Variants in AUTS2 observed in about 807,000 individuals in gnomAD.
AUTS2 encodes activator of transcription and developmental regulator AUTS2, also known as autism susceptibility gene 2 protein.
In AUTS2, 17 loss-of-function variants were observed where a neutral mutation model predicts 112.4. That is an observed-to-expected ratio of 0.15 (90% CI 0.10 to 0.23). AUTS2 has a LOEUF of 0.23. Ranked by LOEUF, AUTS2 falls within the 10% of genes least tolerant of loss-of-function variation. AUTS2 has a pLI of 1.00. For missense variants in AUTS2, 1,510 were observed against 1,701.6 expected, an observed-to-expected ratio of 0.89 and a Z score of 1.98; for synonymous variants, 751 against 702.7, an observed-to-expected ratio of 1.07 and a Z score of -1.09.
intron 2 of AUTS2, among the ~76,000 whole-genome samples, chr7:70,108,582 T>G (rs1402802702): frequency 1.3e-5 from 2 of 151,874 alleles, no homozygotes; most frequent in Non-Finnish European, 2.9e-5. Context: ...AAAATAAAAC[T>G]CAGACTCAAG....
At chr7:70,563,301 A>C (rs1176269553) in intron 5 of AUTS2, among the ~76,000 whole-genome samples, 1 of 152,206 alleles carries the variant, frequency 6.6e-6, no homozygotes, top group Non-Finnish European at 1.5e-5. Context: ...TTACCACTTA[A>C]TGTTAACATG....
chr7:69,775,830 G>A (rs1788869184), intron 1 of AUTS2, among the ~76,000 whole-genome samples: 1 of 152,170 alleles, frequency 6.6e-6, no homozygotes, highest in Admixed American at 6.5e-5. Context: ...TTTTGAGTGG[G>A]TGTCAGAATG....
At chr7:70,157,869 G>A (rs1807865796) in intron 4 of AUTS2, among the ~76,000 whole-genome samples, 1 of 152,202 alleles carries the variant, frequency 6.6e-6, no homozygotes, top group South Asian at 2.1e-4. Context: ...ACCTTAATAA[G>A]TTCATGGCCT....
chr7:70,775,219 A>G, intron 12 of AUTS2, 138 bp from the exon 13 acceptor site: 1 of 744,684 alleles, frequency 1.3e-6, no homozygotes. Context: ...TGGGTTAATT[A>G]TTCTCTAAAA....
chr7:69,793,564 G>A (rs1235402365), intron 1 of AUTS2, among the ~76,000 whole-genome samples: 1 of 152,094 alleles, frequency 6.6e-6, no homozygotes, highest in African/African-American at 2.4e-5. Flanking sequence ...GTTAGTTTAG[G>A]TTAGGCAAAA....
chr7:69,678,352 C>T (rs1223857222), intron 1 of AUTS2, among the ~76,000 whole-genome samples: 2 of 152,056 alleles, frequency 1.3e-5, no homozygotes, highest in Non-Finnish European at 2.9e-5. Flanking sequence ...TGTCTACAGC[C>T]TCTTGAATTG....
At chr7:69,956,789 C>T (rs146778786) in intron 2 of AUTS2, among the ~76,000 whole-genome samples, 46 of 152,220 alleles carry the variant, frequency 3.0e-4, no homozygotes, top group African/African-American at 1.1e-3. Flanking sequence ...GTGTGATGTG[C>T]TCCAGTTTGT....
intron 2 of AUTS2, among the ~76,000 whole-genome samples, chr7:70,074,337 G>A (rs1802925485): frequency 6.6e-6 from 1 of 152,142 alleles, no homozygotes; most frequent in African/African-American, 2.4e-5. Flanking sequence ...TATAGACCAT[G>A]TCTTTCCCTT....
At chr7:70,316,440 G>GT (rs1466436965) in intron 4 of AUTS2, among the ~76,000 whole-genome samples, 1 of 121,360 alleles carries the variant, frequency 8.2e-6, no homozygotes, top group African/African-American at 3.2e-5. Flanking sequence ...GAGTCACTCT[G>GT]TTGCCCAGGC....
At chr7:70,387,880 C>CA (rs1267275795) in intron 4 of AUTS2, among the ~76,000 whole-genome samples, 2 of 152,186 alleles carry the variant, frequency 1.3e-5, no homozygotes, top group African/African-American at 4.8e-5. Flanking sequence ...GGCCAGATAG[C>CA]AGTCCTCCTT....
At chr7:69,796,779 C>A (rs1459274390) in intron 1 of AUTS2, among the ~76,000 whole-genome samples, 2 of 152,054 alleles carry the variant, frequency 1.3e-5, no homozygotes, top group Non-Finnish European at 2.9e-5. Context: ...CCTAGCAGAA[C>A]TGTTTTTTTA....
chr7:70,165,648 A>C (rs1808342624), intron 4 of AUTS2, among the ~76,000 whole-genome samples: 1 of 152,226 alleles, frequency 6.6e-6, no homozygotes, highest in South Asian at 2.1e-4. Flanking sequence ...AAGAGCTTAC[A>C]GGAAGCTCTT....
intron 4 of AUTS2, among the ~76,000 whole-genome samples, chr7:70,400,237 T>C (rs879642547): frequency 6.6e-5 from 10 of 152,126 alleles, no homozygotes; most frequent in Non-Finnish European, 1.3e-4. Context: ...TGAGCAGCCT[T>C]GGGAAAATTA....
chr7:70,259,216 C>A (rs751657742), intron 4 of AUTS2, among the ~76,000 whole-genome samples: 4 of 152,144 alleles, frequency 2.6e-5, no homozygotes, highest in Admixed American at 6.5e-5. Context: ...CCTTCTGGTA[C>A]CAAATACCTT....
intron 4 of AUTS2, among the ~76,000 whole-genome samples, chr7:70,278,717 A>G (rs933190823): frequency 6.6e-6 from 1 of 152,248 alleles, no homozygotes; most frequent in African/African-American, 2.4e-5. Flanking sequence ...TTTATAATTT[A>G]AAGGTAAGAT....
rs59363161 is a variant in AUTS2 at position 70,278,580 on chromosome 7, AACATACAT to A, written c.660+144047_660+144054del. On this transcript the variant is annotated intron_variant, in intron 4 of 18. Coordinates refer to ENST00000342771, the MANE Select transcript of AUTS2 (RefSeq NM_015570.4). Reference sequence around the variant, plus strand: ...TGACAGAGTAAGACAGTCTCTCAAAAACATACATACATACATACATACATACATACATA... The same window carrying A: ...TGACAGAGTAAGACAGTCTCTCAAAAACATACATACATACATACATACATA... Among the ~76,000 whole-genome samples, 1,196 of 149,750 alleles carry A rather than the reference AACATACAT, an allele frequency of 8.0e-3. 11 individuals are homozygous for A. Among genetic ancestry groups the A allele is most frequent in the African/African-American group, 0.023 (939 of 40,756 alleles).
chr7:70,401,109 G>C (rs2130143112), intron 4 of AUTS2, among the ~76,000 whole-genome samples: 1 of 152,318 alleles, frequency 6.6e-6, no homozygotes, highest in South Asian at 2.1e-4. Context: ...CGAATTTGAT[G>C]GGGAATGTGA....
At chr7:70,044,787 T>G (rs1801426495) in intron 2 of AUTS2, among the ~76,000 whole-genome samples, 2 of 152,164 alleles carry the variant, frequency 1.3e-5, no homozygotes, top group African/African-American at 4.8e-5. Flanking sequence ...GATTTAGACT[T>G]TTAACTGAAG....
intron 5 of AUTS2, among the ~76,000 whole-genome samples, chr7:70,457,270 C>T (rs1456075405): frequency 6.6e-6 from 1 of 152,166 alleles, no homozygotes; most frequent in East Asian, 1.9e-4. Flanking sequence ...TCACTTTACC[C>T]ACCCCGTGGA....
Sources: gnomAD v4.1 joint callset for allele counts (sites outside exome capture counted in the v4.1 genomes callset) on GRCh38, gnomAD v4.1.1 for gene constraint, MANE v1.5 for transcripts, NCBI Gene and HGNC (gene_info 2026-07-23, HGNC 2026-07-21) for gene names.